Variants in ADAM10 observed in about 807,000 individuals in gnomAD.
ADAM10 encodes the protein ADAM metallopeptidase domain 10.
A neutral mutation model predicts 90.1 loss-of-function variants in ADAM10; 17 were observed. The ratio of observed to expected loss-of-function variants is 0.19; its 90% CI spans 0.13 to 0.28. ADAM10 has a LOEUF of 0.28. Ranked by LOEUF, ADAM10 falls within the 10% of genes least tolerant of loss-of-function variation. The probability of loss-of-function intolerance (pLI) is 1.00; values close to 1 mark genes in which losing one functional copy is unlikely to be tolerated. For missense variants in ADAM10, 610 were observed against 914.3 expected (o/e 0.67, Z 4.29); for synonymous variants, 310 against 298.6 (o/e 1.04, Z -0.40).
chr15:58,721,087 C>G (rs1052555064), intron 1 of ADAM10, among the ~76,000 whole-genome samples: 2 of 152,320 alleles, frequency 1.3e-5, no homozygotes, highest in South Asian at 2.1e-4. Flanking sequence ...AAAACAATAA[C>G]TATTGCTGTT....
chr15:58,628,441 G>A (rs1422158321), intron 9 of ADAM10, among the ~76,000 whole-genome samples: 1 of 152,070 alleles, frequency 6.6e-6, no homozygotes, highest in African/African-American at 2.4e-5. Context: ...AATGAAAAAT[G>A]GTAAAAGCCT....
Position 58,665,276 on chromosome 15 carries a change from T to C in ADAM10, c.485-79A>G, listed in dbSNP as rs74787954. 8,272 of 1,125,546 alleles carry C rather than the reference T, an allele frequency of 7.3e-3. 429 individuals carry two copies. The African/African-American group carries it at 0.11, about 15-fold the overall frequency. The allele number at this position is 1,125,546 out of a possible 1,614,324, so 69.7% of individuals were successfully genotyped here. A position where few individuals can be genotyped will look rare whatever the true frequency, so the allele number is the denominator to read the frequency against. ...TATAAATGAGAATTACAAGTAAAAATTTAACTGTCTTAACTAATGAAAACC... is the reference window on the plus strand; with the variant it reads ...TATAAATGAGAATTACAAGTAAAAACTTAACTGTCTTAACTAATGAAAACC... On this transcript the variant is annotated intron_variant, in intron 4 of 15. Coordinates refer to ENST00000260408, the MANE Select transcript of ADAM10 (RefSeq NM_001110.4).
intron 1 of ADAM10, among the ~76,000 whole-genome samples, chr15:58,729,187 G>T (rs1268215737): frequency 6.6e-6 from 1 of 151,968 alleles, no homozygotes; most frequent in Non-Finnish European, 1.5e-5. Context: ...GCGAGACCCT[G>T]TCTCTATTTT....
chr15:58,611,078 A>G lies in ADAM10; in HGVS notation c.1725T>C (p.Tyr575=), dbSNP rs768730002. ...GQCAGSICEK[Y]GLEECTCASS... is the part of the protein sequence containing the mutation. ...TGGCACACGTACACTCCTCTAAGCC[A>G]TATTTCTCACAGATAGAACCTGCAC... The change falls in exon 13 of 16, where the codon TAT becomes TAC. Residue 575 remains tyrosine, a synonymous_variant. Transcript: ENST00000260408. 8.7e-6 allele frequency: 14 copies of G among 1,613,952 alleles called. No homozygotes were observed. Among genetic ancestry groups the G allele is most frequent in the South Asian group, 4.4e-5 (4 of 91,088 alleles).
In ADAM10 at chr15:58,661,995, T is replaced by C. The variant is rs143356624; in HGVS notation, c.585+3102A>G. Among the ~76,000 whole-genome samples the C allele has an allele frequency of 8.3e-3, 1,261 of 152,304 alleles. 16 individuals carry two copies. Among genetic ancestry groups the C allele is most frequent in the African/African-American group, 0.029 (1,206 of 41,558 alleles). ...AATTCTTTGAACATACTAATAATAG[T>C]TGTTTTAAAGTCCTTGCCTGTTAAC... On this transcript the variant is annotated intron_variant, in intron 5 of 15. Transcript: ENST00000260408.
At chr15:58,718,145 A>T (rs1450478295) in intron 1 of ADAM10, among the ~76,000 whole-genome samples, 1 of 152,034 alleles carries the variant, frequency 6.6e-6, no homozygotes, top group Non-Finnish European at 1.5e-5. Context: ...AAAAATAAAA[A>T]ATAAAATAAA....
chr15:58,655,711 GTATATATATA>G lies in ADAM10; in HGVS notation c.585+9376_585+9385del, dbSNP rs1174017303. Among the ~76,000 whole-genome samples the G allele has an allele frequency of 2.4e-4, 13 of 53,710 alleles. 1 individual carries two copies. Among genetic ancestry groups the G allele is most frequent in the South Asian group, 5.6e-4 (1 of 1,770 alleles). The allele number at this position is 53,710 out of a possible 152,430, so 35.2% of individuals were successfully genotyped here. A position where few individuals can be genotyped will look rare whatever the true frequency, so the allele number is the denominator to read the frequency against. Reference sequence around the variant, plus strand: ...ATTATATATAGTATATATATATATAGTATATATATATATATATATATATATATATTCTTTT... The same window carrying G: ...ATTATATATAGTATATATATATATAGTATATATATATATATATATTCTTTT... On this transcript the variant is annotated intron_variant, in intron 5 of 15. Transcript: ENST00000260408.
chr15:58,613,838 G>C (rs1215823735), intron 11 of ADAM10, among the ~76,000 whole-genome samples: 2 of 152,290 alleles, frequency 1.3e-5, no homozygotes, highest in African/African-American at 2.4e-5. Context: ...GCAGAAGGTT[G>C]GGTGCAGTAA....
intron 14 of ADAM10, among the ~76,000 whole-genome samples, chr15:58,603,444 G>A (rs1280191485): frequency 1.3e-5 from 2 of 152,130 alleles, no homozygotes; most frequent in East Asian, 1.9e-4. Context: ...CCTCTAATGT[G>A]AGCCAATCCA....
chr15:58,661,621 T>C (rs1896969222), intron 5 of ADAM10, among the ~76,000 whole-genome samples: 2 of 152,174 alleles, frequency 1.3e-5, no homozygotes, highest in Admixed American at 6.5e-5. Context: ...TAACATACCC[T>C]GGTATGGTTT....
chr15:58,692,838 A>G (rs1385475294), intron 2 of ADAM10: 2 of 656,368 alleles, frequency 3.0e-6, no homozygotes, highest in Non-Finnish European at 5.8e-6. Context: ...AGATTTCTGC[A>G]CAAGACTGAA....
At chr15:58,711,684 C>G (rs1435862752) in intron 2 of ADAM10, among the ~76,000 whole-genome samples, 3 of 152,028 alleles carry the variant, frequency 2.0e-5, no homozygotes, top group African/African-American at 7.2e-5. Context: ...AGATGCCTAC[C>G]CCAAAGTACA....
chr15:58,712,040 C>T (rs551851812), intron 2 of ADAM10, among the ~76,000 whole-genome samples: 23 of 151,934 alleles, frequency 1.5e-4, no homozygotes, highest in African/African-American at 4.6e-4. Flanking sequence ...GCTATAAAAG[C>T]GATCAATCTT....
intron 1 of ADAM10, among the ~76,000 whole-genome samples, chr15:58,741,360 A>AT (rs1899608053): frequency 1.3e-5 from 2 of 152,054 alleles, no homozygotes; most frequent in African/African-American, 4.8e-5. Context: ...CTTTAAACTA[A>AT]TCTCTATCTC....
chr15:58,749,412 G>A, intron 1 of ADAM10, 68 bp downstream of exon 1: 1 of 1,450,096 alleles, frequency 6.9e-7, no homozygotes, highest in Non-Finnish European at 9.1e-7. Flanking sequence ...GCGCGACTGG[G>A]CTCCGCTCGG....
intron 2 of ADAM10, among the ~76,000 whole-genome samples, chr15:58,684,366 T>A (rs1366163654): frequency 6.6e-6 from 1 of 152,094 alleles, no homozygotes; most frequent in Non-Finnish European, 1.5e-5. Context: ...GCTAATGAGG[T>A]GACTTAGAGT....
chr15:58,712,077 T>C (rs1334270023), intron 2 of ADAM10, among the ~76,000 whole-genome samples: 1 of 152,184 alleles, frequency 6.6e-6, no homozygotes, highest in Non-Finnish European at 1.5e-5. Context: ...CATGCTATAT[T>C]AATAACCTTT....
chr15:58,651,802 T>C (rs1294654106), intron 5 of ADAM10, among the ~76,000 whole-genome samples: 1 of 152,198 alleles, frequency 6.6e-6, no homozygotes, highest in East Asian at 1.9e-4. Flanking sequence ...GTTCTATTTG[T>C]AGTTTTTTGA....
chr15:58,702,881 T>C (rs1898172491), intron 2 of ADAM10, among the ~76,000 whole-genome samples: 1 of 152,114 alleles, frequency 6.6e-6, no homozygotes, highest in Non-Finnish European at 1.5e-5. Context: ...CCAGAACAAA[T>C]TAAAGATTGT....
Sources: allele counts gnomAD v4.1 joint callset (sites outside exome capture counted in the v4.1 genomes callset), GRCh38; gene constraint gnomAD v4.1.1; transcripts MANE v1.5; gene names NCBI Gene and HGNC (gene_info 2026-07-23, HGNC 2026-07-21).